KLHL6: variants seen among roughly 807,000 people sequenced by gnomAD.
The protein encoded by KLHL6 is kelch like family member 6.
Under a neutral mutation model 58.6 loss-of-function variants are expected in KLHL6, and 41 were observed. The observed-to-expected ratio is 0.70, with a 90% CI of 0.55 to 0.91. KLHL6 has a LOEUF of 0.91. KLHL6 is among the 40% of genes least tolerant of loss of function. The pLI, the probability that KLHL6 is intolerant of heterozygous loss-of-function variation, is 0.00. For missense variants in KLHL6, 714 were observed against 805.6 expected (o/e 0.89, Z 1.38); for synonymous variants, 338 against 322.7 (o/e 1.05, Z -0.51).
chr3:183,512,759 G>A (rs1718224353), intron 2 of KLHL6, among the ~76,000 whole-genome samples: 1 of 151,864 alleles, frequency 6.6e-6, no homozygotes, highest in Non-Finnish European at 1.5e-5. Context: ...CCAAAGTGTT[G>A]GCATTACAGG....
chr3:183,518,924 T>A (rs1427237032), intron 2 of KLHL6, among the ~76,000 whole-genome samples: 1 of 151,914 alleles, frequency 6.6e-6, no homozygotes, highest in Non-Finnish European at 1.5e-5. Context: ...GAAGCAGGGG[T>A]GGGTTCCCGA....
At chr3:183,497,134 A>G (rs1049703934) in intron 4 of KLHL6, among the ~76,000 whole-genome samples, 5 of 148,938 alleles carry the variant, frequency 3.4e-5, no homozygotes, top group African/African-American at 1.2e-4. Context: ...AAAATTAACC[A>G]GGCATGGTGG....
chr3:183,530,614 C>T (rs1432653894), intron 1 of KLHL6, among the ~76,000 whole-genome samples: 1 of 152,112 alleles, frequency 6.6e-6, no homozygotes, highest in East Asian at 1.9e-4. Context: ...AATTCTCAGC[C>T]TACCCATTCT....
chr3:183,497,961 C>A (rs966116905), intron 4 of KLHL6, among the ~76,000 whole-genome samples: 2 of 152,164 alleles, frequency 1.3e-5, no homozygotes, highest in Non-Finnish European at 2.9e-5. Flanking sequence ...TAAGGCCGGG[C>A]GCAGTGGCTC....
At chr3:183,524,861 C>T (rs948974158) in intron 2 of KLHL6, among the ~76,000 whole-genome samples, 1 of 152,204 alleles carries the variant, frequency 6.6e-6, no homozygotes, top group African/African-American at 2.4e-5. Context: ...GTAAAAGGAC[C>T]AGATAAAATG....
chr3:183,552,832 A>T (rs1038072412), intron 1 of KLHL6, among the ~76,000 whole-genome samples: 2 of 151,664 alleles, frequency 1.3e-5, no homozygotes, highest in South Asian at 4.2e-4. Context: ...AAAGCGAGAG[A>T]GTGTGTCAGA....
rs1717478839 is a variant in KLHL6, at chr3:183,489,267, C to CT, written c.*2659dup. The CT allele has an allele frequency of 6.6e-6, 1 of 152,164 alleles. No homozygotes were observed. The highest frequency in any genetic ancestry group is 2.4e-5 in the African/African-American group (1 of 41,436). The allele number at this position is 152,164 out of a possible 1,614,324, so 9.4% of individuals were successfully genotyped here. A position where few individuals can be genotyped will look rare whatever the true frequency, so the allele number is the denominator to read the frequency against. ...CCCTGCAATAGTCTTTGGAGTAAGA[C>CT]TGACTTTTCCTTCACAAATCAGTTC... On this transcript the variant is annotated 3_prime_UTR_variant, in exon 7 of 7. Coordinates refer to ENST00000341319, the MANE Select transcript of KLHL6 (RefSeq NM_130446.4).
intron 1 of KLHL6, among the ~76,000 whole-genome samples, chr3:183,551,031 G>T (rs940451918): frequency 6.6e-5 from 10 of 150,538 alleles, no homozygotes; most frequent in Non-Finnish European, 1.3e-4. Context: ...TGAGGCAGGA[G>T]AATGGCATGA....
chr3:183,503,433 G>A (rs902597179), intron 3 of KLHL6, among the ~76,000 whole-genome samples: 1 of 143,480 alleles, frequency 7.0e-6, no homozygotes, highest in African/African-American at 2.7e-5. Flanking sequence ...TGCTTTTGGT[G>A]TGTTCTAAAA....
At chr3:183,510,487 G>A (rs1718150431) in intron 2 of KLHL6, among the ~76,000 whole-genome samples, 1 of 152,132 alleles carries the variant, frequency 6.6e-6, no homozygotes. Flanking sequence ...TTACTCCAGA[G>A]CATTCCAGGG....
intron 2 of KLHL6, among the ~76,000 whole-genome samples, chr3:183,519,398 C>A (rs59525276): frequency 6.6e-6 from 1 of 152,030 alleles, no homozygotes; most frequent in Admixed American, 6.5e-5. Context: ...GCCACATGGA[C>A]CAATAATGCA....
intron 2 of KLHL6, among the ~76,000 whole-genome samples, chr3:183,516,839 A>G (rs771109838): frequency 1.3e-5 from 2 of 152,288 alleles, no homozygotes; most frequent in African/African-American, 2.4e-5. Context: ...CCGACAAATC[A>G]GCATGTGTGA....
intron 2 of KLHL6, among the ~76,000 whole-genome samples, chr3:183,524,167 T>G (rs1417971140): frequency 6.6e-6 from 1 of 152,100 alleles, no homozygotes; most frequent in Non-Finnish European, 1.5e-5. Flanking sequence ...ATGGAAAAAT[T>G]TTGCCAAGTC....
At chr3:183,512,497 T>C (rs1048822677) in intron 2 of KLHL6, among the ~76,000 whole-genome samples, 67 of 143,502 alleles carry the variant, frequency 4.7e-4, no homozygotes, top group East Asian at 5.9e-4. Context: ...CATTATGATA[T>C]TTTTTTTTTT....
intron 4 of KLHL6, among the ~76,000 whole-genome samples, chr3:183,495,511 T>G (rs546278527): frequency 1.1e-4 from 16 of 150,772 alleles, no homozygotes; most frequent in African/African-American, 3.9e-4. Context: ...TCAAAAAGTA[T>G]AAAATAAATG....
At chr3:183,516,807 A>C (rs985603335) in intron 2 of KLHL6, among the ~76,000 whole-genome samples, 4 of 152,252 alleles carry the variant, frequency 2.6e-5, no homozygotes, top group Non-Finnish European at 4.4e-5. Context: ...CTATAAAGAC[A>C]TTGATATTCT....
intron 1 of KLHL6, among the ~76,000 whole-genome samples, chr3:183,545,969 G>A (rs1011251508): frequency 5.9e-5 from 9 of 152,182 alleles, no homozygotes; most frequent in African/African-American, 9.7e-5. Flanking sequence ...AGATCCAAGC[G>A]TTCGTTCACT....
chr3:183,541,349 T>A (rs1394130971), intron 1 of KLHL6, among the ~76,000 whole-genome samples: 1 of 152,130 alleles, frequency 6.6e-6, no homozygotes, highest in Non-Finnish European at 1.5e-5. Flanking sequence ...CAGCTGGGGA[T>A]GGGGAGCAGT....
At chr3:183,507,533 G>A (rs1718042924) in intron 3 of KLHL6, among the ~76,000 whole-genome samples, 1 of 152,152 alleles carries the variant, frequency 6.6e-6, no homozygotes, top group African/African-American at 2.4e-5. Context: ...CCGGGTTCAA[G>A]TGATCTTCCT....
Sources: allele counts gnomAD v4.1 joint callset (sites outside exome capture counted in the v4.1 genomes callset), GRCh38; gene constraint gnomAD v4.1.1; transcripts MANE v1.5; gene names NCBI Gene and HGNC (gene_info 2026-07-23, HGNC 2026-07-21).